The following RORA variants were observed in gnomAD, a reference collection of about 807,000 sequenced individuals.
RORA encodes nuclear receptor ROR-alpha.
Under a neutral mutation model 69.5 loss-of-function variants are expected in RORA, and 7 were observed. The ratio of observed to expected loss-of-function variants is 0.10; its 90% CI spans 0.06 to 0.19. RORA has a LOEUF of 0.19. RORA is among the 10% of genes least tolerant of loss of function. The pLI is 1.00. For synonymous variants in RORA, 261 were observed against 240.8 expected (o/e 1.08, Z -0.78); for missense variants, 457 against 663.0 (o/e 0.69, Z 3.41).
chr15:60,896,835 A>T (rs1891244108), intron 1 of RORA, among the ~76,000 whole-genome samples: 8 of 151,354 alleles, frequency 5.3e-5, no homozygotes, highest in Admixed American at 4.0e-4. Flanking sequence ...AGCACCATGA[A>T]GTTGGGCAAG....
chr15:61,077,133 C>T (rs1035186759), intron 1 of RORA, among the ~76,000 whole-genome samples: 2 of 150,248 alleles, frequency 1.3e-5, no homozygotes, highest in African/African-American at 2.5e-5. Flanking sequence ...CCTTAAAGCA[C>T]GGCTTGAGAT....
At chr15:60,624,528 GTA>G (rs1169077473) in intron 2 of RORA, among the ~76,000 whole-genome samples, 2 of 87,802 alleles carry the variant, frequency 2.3e-5, no homozygotes, top group Non-Finnish European at 4.4e-5. Flanking sequence ...TATATATATA[GTA>G]TATATATATT....
chr15:60,647,106 T>A (rs145350326), intron 2 of RORA, among the ~76,000 whole-genome samples: 1 of 152,314 alleles, frequency 6.6e-6, no homozygotes, highest in East Asian at 1.9e-4. Flanking sequence ...CATTCTTGCT[T>A]TTGTTCGAGT....
At chr15:60,746,964 C>G (rs749279531) in intron 1 of RORA, among the ~76,000 whole-genome samples, 4 of 152,136 alleles carry the variant, frequency 2.6e-5, no homozygotes, top group East Asian at 1.9e-4. Context: ...ACTCACCGAT[C>G]GACTCTAGTT....
At chr15:60,706,411 A>G (rs2071063923) in intron 1 of RORA, 1 of 152,274 alleles carries the variant, frequency 6.6e-6, no homozygotes, top group South Asian at 2.1e-4. Flanking sequence ...GTTCTCTGCA[A>G]AGTGGGTCTG....
Position 60,755,732 on chromosome 15 carries a change from A to T in RORA, c.167-77046T>A, listed in dbSNP as rs1201904250. On this transcript the variant is annotated intron_variant, in intron 1 of 10. Transcript: ENST00000335670. ...TGTTCAAGAAATGGTTGTGGGATAC[A>T]TGATTGTTCTTCATGGAAACGATCT... Among the ~76,000 whole-genome samples, 4 of 152,306 alleles carry T rather than the reference A, an allele frequency of 2.6e-5. No homozygotes were observed. The East Asian group carries it at 7.7e-4, about 29-fold the overall frequency.
rs1595853969 is a variant in RORA at position 60,493,489 on chromosome 15, G to C, written c.*3966C>G. ...AACCTTTTCATGAAAGATACTACTA[G>C]GTTGTTTTGCATTTTGGAATGTCGG... is the stretch of plus-strand genomic sequence containing the variant. On this transcript the variant is annotated 3_prime_UTR_variant, in exon 11 of 11. Transcript: ENST00000335670. 1 of 152,106 alleles carries C rather than the reference G, an allele frequency of 6.6e-6. No homozygotes were observed. Among genetic ancestry groups the C allele is most frequent in the East Asian group, 1.9e-4 (1 of 5,190 alleles). The allele number at this position is 152,106 out of a possible 1,614,324, so 9.4% of individuals were successfully genotyped here.
chr15:60,839,458 C>T (rs1301322394), intron 1 of RORA, among the ~76,000 whole-genome samples: 1 of 152,166 alleles, frequency 6.6e-6, no homozygotes, highest in Non-Finnish European at 1.5e-5. Flanking sequence ...TTTACACCAA[C>T]CTAATATCTC....
intron 1 of RORA, among the ~76,000 whole-genome samples, chr15:61,085,530 T>C (rs961813601): frequency 9.2e-5 from 14 of 152,216 alleles, no homozygotes; most frequent in Admixed American, 8.5e-4. Context: ...ATTCAGTAGG[T>C]TGGGGCCAGG....
chr15:60,645,145 T>G (rs1449569252), intron 2 of RORA, among the ~76,000 whole-genome samples: 1 of 152,000 alleles, frequency 6.6e-6, no homozygotes, highest in African/African-American at 2.4e-5. Flanking sequence ...TTTACAAAAA[T>G]TCCATGATAA....
intron 1 of RORA, among the ~76,000 whole-genome samples, chr15:60,761,242 G>T (rs1381822888): frequency 6.6e-6 from 1 of 152,170 alleles, no homozygotes; most frequent in African/African-American, 2.4e-5. Flanking sequence ...CTCACCAGTT[G>T]TGGCTGTGTG....
intron 2 of RORA, chr15:60,614,891 C>T (rs1463502024): frequency 1.2e-6 from 2 of 1,610,234 alleles, no homozygotes; most frequent in African/African-American, 2.7e-5. Context: ...TCAAATAACG[C>T]ACCTTTTCTC....
chr15:60,996,071 G>GTTTTTTTT (rs35698487), intron 1 of RORA, among the ~76,000 whole-genome samples: 4 of 135,228 alleles, frequency 3.0e-5, no homozygotes, highest in South Asian at 2.7e-4. Flanking sequence ...CTTGTTTTTT[G>GTTTTTTTT]TTTTTTTTTT....
intron 1 of RORA, among the ~76,000 whole-genome samples, chr15:61,136,578 AGAACTGGG>A (rs1479916850): frequency 6.6e-6 from 1 of 152,224 alleles, no homozygotes; most frequent in East Asian, 1.9e-4. Flanking sequence ...ACCACAAGAC[AGAACTGGG>A]GAAGAAAAGG....
chr15:61,020,727 G>A (rs1260413896), intron 1 of RORA, among the ~76,000 whole-genome samples: 1 of 152,144 alleles, frequency 6.6e-6, no homozygotes, highest in Non-Finnish European at 1.5e-5. Context: ...CATTGAACTT[G>A]AAGCTGGAAT....
intron 2 of RORA, chr15:60,678,098 A>T (rs1274075075): frequency 6.6e-6 from 1 of 152,422 alleles, no homozygotes. Context: ...GAACCTGAGA[A>T]GTGGGATGAA....
chr15:61,207,924 C>A (rs1024949913), intron 1 of RORA, among the ~76,000 whole-genome samples: 6 of 152,216 alleles, frequency 3.9e-5, no homozygotes, highest in African/African-American at 1.4e-4. Flanking sequence ...ACAGCTAGTG[C>A]TTTCACATTA....
At chr15:61,223,700 T>C (rs958865443) in intron 1 of RORA, among the ~76,000 whole-genome samples, 13 of 152,202 alleles carry the variant, frequency 8.5e-5, no homozygotes, top group African/African-American at 3.1e-4. Flanking sequence ...ATTCTCAGTG[T>C]TCTTTCTAGA....
At chr15:60,685,819 A>C (rs1486485352) in intron 1 of RORA, among the ~76,000 whole-genome samples, 2 of 152,196 alleles carry the variant, frequency 1.3e-5, no homozygotes, top group African/African-American at 4.8e-5. Context: ...CGACAATCAA[A>C]CATTTTGTAA....
Sources: allele counts gnomAD v4.1 joint callset (sites outside exome capture counted in the v4.1 genomes callset), GRCh38; gene constraint gnomAD v4.1.1; transcripts MANE v1.5; gene names NCBI Gene and HGNC (gene_info 2026-07-23, HGNC 2026-07-21).